The following NPFFR2 variants were observed in gnomAD, a reference collection of about 807,000 sequenced individuals.
NPFFR2 encodes the protein G-protein coupled receptor 74.
NPFFR2 carries 15 observed loss-of-function variants against 13.1 expected under a neutral mutation model. The observed-to-expected ratio is 1.15, with a 90% CI of 0.77 to 1.76. NPFFR2 has a LOEUF of 1.76. Among genes scored for constraint, NPFFR2 ranks in the 40% most tolerant of loss-of-function variants. NPFFR2 has a pLI of 0.00. For synonymous variants in NPFFR2, 190 were observed against 175.7 expected (o/e 1.08, Z -0.65); for missense variants, 572 against 503.5 (o/e 1.14, Z -1.30).
chr4:72,128,756 C>A lies in NPFFR2; in HGVS notation c.165C>A (p.Ile55=). The part of the protein sequence containing the change: ...AAIFIISYFL[I]FFLCMMGNTV... ...TCTTCATTATTTCCTACTTTCTGAT[C>A]TTCTTTTTGTGCATGATGGGAAATA... is the stretch of plus-strand genomic sequence containing the variant. The change falls in exon 2 of 4, where the codon ATC becomes ATA. Residue 55 remains isoleucine (I), a synonymous_variant. Coordinates refer to ENST00000308744, the MANE Select transcript of NPFFR2 (RefSeq NM_004885.3). 6.2e-7 allele frequency: 1 copy of A among 1,614,094 alleles called. No individual in the cohort carries two copies. Among genetic ancestry groups the A allele is most frequent in the Non-Finnish European group, 8.5e-7 (1 of 1,179,986 alleles).
At chr4:72,064,073 C>G (rs1719999085) in intron 1 of NPFFR2, among the ~76,000 whole-genome samples, 5 of 152,136 alleles carry the variant, frequency 3.3e-5, no homozygotes, top group Admixed American at 3.3e-4. Context: ...TTCCACCCAC[C>G]AGGAACATGG....
At chr4:72,118,775 C>A (rs1176794621) in intron 1 of NPFFR2, among the ~76,000 whole-genome samples, 5 of 152,102 alleles carry the variant, frequency 3.3e-5, no homozygotes, top group Admixed American at 3.3e-4. Flanking sequence ...ACTGAGAATT[C>A]AACTGTGAAC....
chr4:72,129,001 C>A, intron 2 of NPFFR2, 82 bp downstream of exon 2: 2 of 1,068,426 alleles, frequency 1.9e-6, no homozygotes, highest in South Asian at 1.6e-5. Flanking sequence ...GCTGTTCATT[C>A]ATTCATTTAT....
At chr4:72,130,768 C>T (rs1560420706) in intron 2 of NPFFR2, among the ~76,000 whole-genome samples, 1 of 152,104 alleles carries the variant, frequency 6.6e-6, no homozygotes, top group Non-Finnish European at 1.5e-5. Context: ...TGCCTGTGAC[C>T]CCTGGAGCCC....
intron 1 of NPFFR2, among the ~76,000 whole-genome samples, chr4:72,047,275 A>G (rs1490227322): frequency 6.6e-6 from 1 of 152,190 alleles, no homozygotes; most frequent in East Asian, 1.9e-4. Flanking sequence ...GGTGCTATAT[A>G]TCAAGACCAT....
chr4:72,135,322 CTT>C (rs1219529488), intron 2 of NPFFR2, among the ~76,000 whole-genome samples: 1 of 151,896 alleles, frequency 6.6e-6, no homozygotes, highest in African/African-American at 2.4e-5. Context: ...GGCCTTTAAT[CTT>C]AGGGAATTTT....
chr4:72,114,265 C>T (rs1394616486), intron 1 of NPFFR2, among the ~76,000 whole-genome samples: 2 of 151,978 alleles, frequency 1.3e-5, no homozygotes, highest in African/African-American at 2.4e-5. Flanking sequence ...TTCCAGCTGC[C>T]CAGAAGCCTC....
intron 3 of NPFFR2, among the ~76,000 whole-genome samples, chr4:72,145,003 C>T (rs986501355): frequency 2.0e-5 from 3 of 152,110 alleles, no homozygotes; most frequent in Non-Finnish European, 4.4e-5. Context: ...ATGATCCTGC[C>T]TTTTACAATG....
intron 1 of NPFFR2, among the ~76,000 whole-genome samples, chr4:72,099,610 G>T (rs1173356145): frequency 6.6e-6 from 1 of 151,948 alleles, no homozygotes; most frequent in Non-Finnish European, 1.5e-5. Flanking sequence ...CTTTTGAACA[G>T]CTCGATCTCA....
intron 3 of NPFFR2, among the ~76,000 whole-genome samples, chr4:72,142,183 G>A (rs1435956360): frequency 1.3e-5 from 2 of 151,978 alleles, no homozygotes; most frequent in East Asian, 1.9e-4. Context: ...TCCTGAATAC[G>A]GCACAGTGAT....
At chr4:72,134,224 A>G (rs757171090) in intron 2 of NPFFR2, among the ~76,000 whole-genome samples, 1 of 152,178 alleles carries the variant, frequency 6.6e-6, no homozygotes, top group Non-Finnish European at 1.5e-5. Context: ...AGATCGTGCC[A>G]CTGCACTCCA....
intron 3 of NPFFR2, among the ~76,000 whole-genome samples, chr4:72,139,830 T>C (rs938063856): frequency 6.6e-6 from 1 of 152,204 alleles, no homozygotes. Flanking sequence ...TGGCATTGAA[T>C]CTATAAATTA....
chr4:72,131,519 C>A (rs948613051), intron 2 of NPFFR2, among the ~76,000 whole-genome samples: 1 of 151,444 alleles, frequency 6.6e-6, no homozygotes, highest in Non-Finnish European at 1.5e-5. Flanking sequence ...GTGGGTGCAG[C>A]GCACCAGCAT....
At chr4:72,076,602 C>T (rs1041148624) in intron 1 of NPFFR2, among the ~76,000 whole-genome samples, 1 of 152,052 alleles carries the variant, frequency 6.6e-6, no homozygotes, top group Non-Finnish European at 1.5e-5. Flanking sequence ...GAGGCAGAAG[C>T]CAAACTGCTG....
intron 1 of NPFFR2, among the ~76,000 whole-genome samples, chr4:72,083,824 A>G (rs1309247285): frequency 6.6e-6 from 1 of 152,156 alleles, no homozygotes; most frequent in Non-Finnish European, 1.5e-5. Context: ...GCTCTCTAAA[A>G]GGCATCTTAT....
chr4:72,073,876 A>T (rs548241391), intron 1 of NPFFR2, among the ~76,000 whole-genome samples: 6 of 152,140 alleles, frequency 3.9e-5, no homozygotes, highest in African/African-American at 1.4e-4. Context: ...ACTAAAGAGT[A>T]TACTCTAAAG....
intron 1 of NPFFR2, among the ~76,000 whole-genome samples, chr4:72,096,552 A>C (rs1414962394): frequency 1.3e-5 from 2 of 152,120 alleles, no homozygotes; most frequent in Non-Finnish European, 2.9e-5. Context: ...GAGAACACCT[A>C]TCTCAATTAA....
intron 1 of NPFFR2, among the ~76,000 whole-genome samples, chr4:72,123,497 T>C (rs1721950097): frequency 6.6e-6 from 1 of 152,204 alleles, no homozygotes; most frequent in Non-Finnish European, 1.5e-5. Context: ...CTGATGAACA[T>C]TGATGCAAAA....
chr4:72,105,902 A>G (rs760244896), intron 1 of NPFFR2, among the ~76,000 whole-genome samples: 5 of 152,058 alleles, frequency 3.3e-5, no homozygotes, highest in Non-Finnish European at 7.4e-5. Context: ...TTATAACACT[A>G]TCGAACTACC....
Sources: allele counts gnomAD v4.1 joint callset (sites outside exome capture counted in the v4.1 genomes callset), GRCh38; gene constraint gnomAD v4.1.1; transcripts MANE v1.5; gene names NCBI Gene and HGNC (gene_info 2026-07-23, HGNC 2026-07-21).